STOX2: variants seen among roughly 807,000 people sequenced by gnomAD.
The protein encoded by STOX2 is storkhead box 2.
In STOX2, 28 loss-of-function variants were observed where a neutral mutation model predicts 60.9. The ratio of observed to expected loss-of-function variants is 0.46; its 90% CI spans 0.34 to 0.63. The LOEUF is 0.63. Ranked by LOEUF, STOX2 falls within the 30% of genes least tolerant of loss-of-function variation. STOX2 has a pLI of 0.01. For missense variants in STOX2, 1,024 were observed against 1,187.7 expected (o/e 0.86, Z 2.03); for synonymous variants, 472 against 463.9 (o/e 1.02, Z -0.22).
intron 1 of STOX2, among the ~76,000 whole-genome samples, chr4:183,967,887 C>T: frequency 6.6e-6 from 1 of 152,110 alleles, no homozygotes; most frequent in East Asian, 1.9e-4. Flanking sequence ...TTTTTAGGAG[C>T]ATAAGACAAA....
intron 1 of STOX2, among the ~76,000 whole-genome samples, chr4:183,994,296 G>A (rs1733238440): frequency 6.6e-6 from 1 of 152,176 alleles, no homozygotes; most frequent in Admixed American, 6.5e-5. Context: ...TATGGCATCC[G>A]TGATTTTAAC....
intron 1 of STOX2, among the ~76,000 whole-genome samples, chr4:183,937,976 C>G (rs1742634406): frequency 6.6e-6 from 1 of 152,078 alleles, no homozygotes; most frequent in Non-Finnish European, 1.5e-5. Flanking sequence ...GGCAAAACCC[C>G]TTCTCTACAA....
chr4:184,014,789 G>A (rs920944513), intron 3 of STOX2: 5 of 152,076 alleles, frequency 3.3e-5, no homozygotes, highest in Admixed American at 3.3e-4. Context: ...TAATATGTTG[G>A]CTGTGATTGA....
chr4:183,920,779 C>G (rs1033700514), intron 1 of STOX2, among the ~76,000 whole-genome samples: 5 of 152,128 alleles, frequency 3.3e-5, no homozygotes, highest in African/African-American at 9.7e-5. Context: ...TTGTGAGCTC[C>G]TTAGTCGTCT....
Position 183,814,644 on chromosome 4 carries a change from G to A in STOX2, c.364+16589G>A, listed in dbSNP as rs528022491. Among the ~76,000 whole-genome samples the A allele has an allele frequency of 1.5e-4, 23 of 152,282 alleles. 1 individual carries two copies. The East Asian group carries it at 1.9e-3, about 13-fold the overall frequency. On this transcript the variant is annotated intron_variant, in intron 1 of 2. Transcript: ENST00000513034. ...GAGTGAGCAAACAAATACATGCCCC[G>A]TGGCCCACCTCCTGAATTAGTCACC...
At chr4:183,846,551 C>T (rs959124067) in intron 1 of STOX2, among the ~76,000 whole-genome samples, 1 of 152,130 alleles carries the variant, frequency 6.6e-6, no homozygotes, top group Non-Finnish European at 1.5e-5. Context: ...TGCTATTGAA[C>T]ACTGAAGTTT....
At chr4:183,920,854 A>G (rs1742080184) in intron 1 of STOX2, among the ~76,000 whole-genome samples, 1 of 152,226 alleles carries the variant, frequency 6.6e-6, no homozygotes, top group African/African-American at 2.4e-5. Flanking sequence ...CCTGGAGAAG[A>G]TGAGATAGCT....
intron 1 of STOX2, among the ~76,000 whole-genome samples, chr4:183,819,283 C>T (rs1280596283): frequency 6.6e-6 from 1 of 152,098 alleles, no homozygotes. Context: ...GAGACTCCAT[C>T]TGCAATCCCG....
intron 1 of STOX2, among the ~76,000 whole-genome samples, chr4:183,813,130 T>C (rs1369628355): frequency 2.0e-5 from 3 of 152,158 alleles, no homozygotes; most frequent in Non-Finnish European, 4.4e-5. Flanking sequence ...ATGCCTGTAA[T>C]CCCAGCACTT....
chr4:183,817,388 C>T (rs367819672), intron 1 of STOX2, among the ~76,000 whole-genome samples: 143 of 152,248 alleles, frequency 9.4e-4, no homozygotes, highest in African/African-American at 3.2e-3. Context: ...CCTTTGCTGG[C>T]GATCAGTGGG....
chr4:183,809,590 A>C (rs1046106901), intron 1 of STOX2, among the ~76,000 whole-genome samples: 1 of 151,712 alleles, frequency 6.6e-6, no homozygotes. Context: ...GTAGAGACGG[A>C]GTTTCACCAT....
chr4:183,819,536 A>G (rs1313355514), intron 1 of STOX2, among the ~76,000 whole-genome samples: 1 of 135,952 alleles, frequency 7.4e-6, no homozygotes, highest in Non-Finnish European at 1.6e-5. Flanking sequence ...GAGACCGTGG[A>G]AAGAGAGGGA....
At chr4:183,918,088 C>A (rs1741982477) in intron 1 of STOX2, among the ~76,000 whole-genome samples, 1 of 152,164 alleles carries the variant, frequency 6.6e-6, no homozygotes, top group South Asian at 2.1e-4. Flanking sequence ...GTGTTTTACA[C>A]CTGAGGATGC....
intron 2 of STOX2, among the ~76,000 whole-genome samples, chr4:184,006,021 T>C (rs1028360436): frequency 6.6e-6 from 1 of 152,216 alleles, no homozygotes; most frequent in African/African-American, 2.4e-5. Context: ...ACTAGAGAAC[T>C]TGTTTTTAAT....
At chr4:183,876,372 G>A (rs1309347764) in intron 1 of STOX2, among the ~76,000 whole-genome samples, 1 of 152,204 alleles carries the variant, frequency 6.6e-6, no homozygotes, top group Non-Finnish European at 1.5e-5. Flanking sequence ...TCCTTTGGGG[G>A]AGATGCCAGC....
chr4:184,007,504 C>A (rs1046267052), intron 2 of STOX2, among the ~76,000 whole-genome samples: 2 of 152,206 alleles, frequency 1.3e-5, no homozygotes, highest in Admixed American at 6.5e-5. Context: ...CTCCTTTCAC[C>A]TCAGCCCTGT....
At chr4:183,996,759 AT>A (rs1733363471) in intron 1 of STOX2, among the ~76,000 whole-genome samples, 1 of 152,010 alleles carries the variant, frequency 6.6e-6, no homozygotes, top group African/African-American at 2.4e-5. Context: ...TTAATTTTTA[AT>A]TTCTTATTGC....
chr4:183,852,969 A>C (rs1025144672), intron 1 of STOX2, among the ~76,000 whole-genome samples: 4 of 152,206 alleles, frequency 2.6e-5, no homozygotes, highest in Non-Finnish European at 5.9e-5. Flanking sequence ...AAGGTAGGCA[A>C]GTCATTTACT....
At chr4:183,943,922 C>T (rs948833806) in intron 1 of STOX2, among the ~76,000 whole-genome samples, 2 of 152,098 alleles carry the variant, frequency 1.3e-5, no homozygotes, top group African/African-American at 2.4e-5. Context: ...GAAATCTCCC[C>T]AGGGGATGCC....
Sources: gnomAD v4.1 joint callset for allele counts (sites outside exome capture counted in the v4.1 genomes callset) on GRCh38, gnomAD v4.1.1 for gene constraint, MANE v1.5 for transcripts, NCBI Gene and HGNC (gene_info 2026-07-23, HGNC 2026-07-21) for gene names.